Variants in LCTL observed in about 807,000 individuals in gnomAD.
LCTL encodes lactase like.
LCTL carries 76 observed loss-of-function variants against 75.8 expected under a neutral mutation model. The observed-to-expected ratio is 1.00, with a 90% confidence interval of 0.83 to 1.21. The LOEUF is 1.21. Ranked by LOEUF, LCTL falls within the 50% of genes most tolerant of loss-of-function variation. The probability of loss-of-function intolerance (pLI) is 0.00; values close to 1 mark genes in which losing one functional copy is unlikely to be tolerated. For synonymous variants in LCTL, 271 were observed against 268.8 expected, an observed-to-expected ratio of 1.01 and a Z score of -0.08; for missense variants, 670 against 712.4, an observed-to-expected ratio of 0.94 and a Z score of 0.68.
intron 12 of LCTL, 147 bp downstream of exon 13, chr15:66,549,894 G>A: frequency 2.1e-6 from 1 of 485,218 alleles, no homozygotes; most frequent in Non-Finnish European, 3.7e-6. Flanking sequence ...ATAGAAATTT[G>A]ACATTGCTTC....
chr15:66,552,515 A>C (rs1436491592), intron 9 of LCTL, among the ~76,000 whole-genome samples: 2 of 151,880 alleles, frequency 1.3e-5, no homozygotes, highest in African/African-American at 2.4e-5. Flanking sequence ...TACTAAAAAT[A>C]CAAAAATTAG....
At chr15:66,565,743 A>G (rs931073336), upstream of LCTL, 3 of 198,666 alleles carry the variant, frequency 1.5e-5, no homozygotes, top group African/African-American at 4.7e-5. Flanking sequence ...TCTCCCAACG[A>G]CACGCAGACC....
intron 6 of LCTL, among the ~76,000 whole-genome samples, chr15:66,559,071 T>C (rs1895819050): frequency 6.6e-6 from 1 of 151,844 alleles, no homozygotes; most frequent in South Asian, 2.1e-4. Flanking sequence ...GCTTGTTGTC[T>C]AGGCTGGAAT....
At chr15:66,563,800 C>A in intron 3 of LCTL, 111 bp downstream of exon 4, 1 of 925,196 alleles carries the variant, frequency 1.1e-6, no homozygotes. Context: ...CTACCGTCAG[C>A]AACTACGTTC....
At chr15:66,551,579 G>T in intron 11 of LCTL, 83 bp downstream of exon 12, 1 of 1,135,782 alleles carries the variant, frequency 8.8e-7, no homozygotes, top group Non-Finnish European at 1.3e-6. Context: ...AAAGAGAAGA[G>T]AAACTTGCCA....
chr15:66,553,375 A>T, intron 8 of LCTL, 117 bp from the exon 10 acceptor site: 3 of 858,596 alleles, frequency 3.5e-6, no homozygotes, highest in South Asian at 4.9e-5. Flanking sequence ...ATTCATTTGC[A>T]TGGGAAGTAT....
intron 6 of LCTL, among the ~76,000 whole-genome samples, chr15:66,560,252 T>C (rs531163999): frequency 6.6e-6 from 1 of 152,272 alleles, no homozygotes; most frequent in East Asian, 1.9e-4. Flanking sequence ...TTGTCCACCT[T>C]CCGCTAAGTG....
chr15:66,552,828 C>T (rs11071899), intron 9 of LCTL, among the ~76,000 whole-genome samples, 156 bp downstream of exon 10: 25,168 of 152,064 alleles, frequency 0.17, 2,329 homozygotes, highest in East Asian at 0.37. Context: ...GCATGGTAGA[C>T]GTGAGTCTGT....
At chr15:66,564,931 G>A (rs1229024695) in intron 1 of LCTL, 92 bp from the exon 3 acceptor site, 16 of 1,247,386 alleles carry the variant, frequency 1.3e-5, no homozygotes, top group Non-Finnish European at 1.6e-5. Flanking sequence ...CTCAGGGACT[G>A]CCCCTCCCTA....
exon 10 of LCTL, chr15:66,552,145 A>G (rs1895622930): frequency 1.2e-6 from 2 of 1,612,698 alleles, no homozygotes; most frequent in Non-Finnish European, 1.7e-6. Flanking sequence ...TCCATCACAT[A>G]TATGGGAGGA....
At chr15:66,552,141 A>G (rs747815267) in exon 10 of LCTL, 15 of 1,613,216 alleles carry the variant, frequency 9.3e-6, no homozygotes, top group Middle Eastern at 1.6e-4. Flanking sequence ...ATTTTCCATC[A>G]CATATATGGG....
intron 8 of LCTL, among the ~76,000 whole-genome samples, chr15:66,553,478 G>A (rs536438382): frequency 2.6e-5 from 4 of 152,166 alleles, no homozygotes; most frequent in East Asian, 1.9e-4. Context: ...TTTTCAGGCC[G>A]GGCGTGGTGG....
chr15:66,552,998 G>T (rs1478828895), exon 9 of LCTL: 2 of 1,459,540 alleles, frequency 1.4e-6, no homozygotes, highest in Non-Finnish European at 1.8e-6. Context: ...GCAAAGTTAA[G>T]GAGCCTCCTA....
Position 66,564,011 on chromosome 15 carries a change from G to A in LCTL, c.283-13C>T. On this transcript the variant is annotated splice_polypyrimidine_tract_variant and intron_variant, in intron 2 of 12. Transcript: ENST00000341509. ...GAATGATGTCCTCCTGTGCAGACAG[G>A]GGTGGGGAGACAGGTCACCTGGGCC... 6.3e-7 allele frequency: 1 copy of A among 1,599,332 alleles called. No homozygotes were observed. Among genetic ancestry groups the A allele is most frequent in the Non-Finnish European group, 8.6e-7 (1 of 1,166,986 alleles).
chr15:66,564,700 G>A (rs1240772154), exon 2 of LCTL: 1 of 1,612,924 alleles, frequency 6.2e-7, no homozygotes, highest in Non-Finnish European at 8.5e-7. Context: ...AGCCGTCACA[G>A]GCTACATCTG....
chr15:66,555,747 C>A (rs1366988910), intron 8 of LCTL, among the ~76,000 whole-genome samples: 1 of 152,088 alleles, frequency 6.6e-6, no homozygotes, highest in Non-Finnish European at 1.5e-5. Context: ...AAAAAACCCA[C>A]ATAGAATGGG....
intron 11 of LCTL, among the ~76,000 whole-genome samples, chr15:66,551,367 AAAAGACACGAGAT>A (rs1162137520): frequency 6.6e-6 from 1 of 151,136 alleles, no homozygotes; most frequent in Non-Finnish European, 1.5e-5. Context: ...AAAAAAAAAA[AAAAGACACGAGAT>A]TTAGAATAAC....
intron 11 of LCTL, among the ~76,000 whole-genome samples, chr15:66,550,576 G>A (rs541599330): frequency 1.3e-5 from 2 of 152,124 alleles, no homozygotes; most frequent in South Asian, 4.2e-4. Context: ...AAATTCTTGG[G>A]CTCAAGTGAT....
At position 66,558,061 on chromosome 15, in the gene LCTL, G is replaced by A. The variant is rs201311466; in HGVS notation, c.706-25C>T. 99 of 1,586,706 alleles carry A rather than the reference G, an allele frequency of 6.2e-5. 1 individual carries two copies. The South Asian group carries it at 7.3e-4, about 12-fold the overall frequency. ...CCTGAAAGGGGAGCAGAAATTCATCGTAGGTACCTGGCCCATCCATTTCCT... is the reference window on the plus strand; with the variant it reads ...CCTGAAAGGGGAGCAGAAATTCATCATAGGTACCTGGCCCATCCATTTCCT... On this transcript the variant is annotated intron_variant, in intron 6 of 12. Transcript: ENST00000341509.
Sources: allele counts gnomAD v4.1 joint callset (sites outside exome capture counted in the v4.1 genomes callset), GRCh38; gene constraint gnomAD v4.1.1; transcripts MANE v1.5; gene names NCBI Gene and HGNC (gene_info 2026-07-23, HGNC 2026-07-21).